The following SFMBT2 variants were observed in gnomAD, a reference collection of about 807,000 sequenced individuals.
SFMBT2 encodes the protein Scm like with four mbt domains 2.
SFMBT2 carries 38 observed loss-of-function variants against 110.1 expected under a neutral mutation model. The observed-to-expected ratio is 0.35, with a 90% CI of 0.27 to 0.45. SFMBT2 has a LOEUF of 0.45. Ranked by LOEUF, SFMBT2 falls within the 20% of genes least tolerant of loss-of-function variation. The pLI, the probability that SFMBT2 is intolerant of heterozygous loss-of-function variation, is 1.00. For synonymous variants in SFMBT2, 425 were observed against 425.4 expected, an observed-to-expected ratio of 1.00 and a Z score of 0.01; for missense variants, 1,011 against 1,094.9, an observed-to-expected ratio of 0.92 and a Z score of 1.08.
intron 7 of SFMBT2, among the ~76,000 whole-genome samples, chr10:7,265,060 A>G (rs1304545501): frequency 1.3e-5 from 2 of 151,848 alleles, no homozygotes; most frequent in South Asian, 2.1e-4. Flanking sequence ...TTCGTGGAAC[A>G]TGATTTGTTT....
chr10:7,214,754 T>C (rs1249015519), intron 11 of SFMBT2: 106 of 985,362 alleles, frequency 1.1e-4, no homozygotes, highest in Non-Finnish European at 1.2e-4. Context: ...ATTCCTAGCT[T>C]GATACCTGTA....
chr10:7,271,925 C>G (rs1311781021), intron 7 of SFMBT2, among the ~76,000 whole-genome samples: 1 of 152,192 alleles, frequency 6.6e-6, no homozygotes, highest in Admixed American at 6.5e-5. Context: ...TTATTTCCCA[C>G]CGGGTCCCTC....
chr10:7,327,930 C>T (rs955974213), intron 4 of SFMBT2, among the ~76,000 whole-genome samples: 1 of 152,222 alleles, frequency 6.6e-6, no homozygotes, highest in African/African-American at 2.4e-5. Context: ...CTATAAACAT[C>T]TTACCCAGGT....
chr10:7,172,936 C>G lies in SFMBT2; in HGVS notation c.1985-275G>C, dbSNP rs1302195351. On this transcript the variant is annotated intron_variant, in intron 17 of 20. Transcript: ENST00000397167. This position sits in a 1 kb window ranked among gnomAD's most constrained non-coding sequence, Gnocchi z 4.6. ...GTCCCGAACCCCCAAAGTGAGTGTA[C>G]AAGGGTGGGGCCCTAATCCAATAGG... Among the ~76,000 whole-genome samples the G allele has an allele frequency of 6.6e-6, 1 of 152,048 alleles. No homozygotes were observed. Among genetic ancestry groups the G allele is most frequent in the South Asian group, 2.1e-4 (1 of 4,830 alleles).
At chr10:7,362,262 C>T (rs985195831) in intron 4 of SFMBT2, among the ~76,000 whole-genome samples, 15 of 152,126 alleles carry the variant, frequency 9.9e-5, no homozygotes, top group African/African-American at 2.2e-4. Context: ...TCTCTAAATG[C>T]GTCTTTATTA....
At chr10:7,399,673 C>G (rs1030482116) in intron 1 of SFMBT2, among the ~76,000 whole-genome samples, 1 of 152,208 alleles carries the variant, frequency 6.6e-6, no homozygotes, top group Non-Finnish European at 1.5e-5. Context: ...GTGCAGGACT[C>G]GGCAGGAGGC....
chr10:7,256,769 G>A (rs141203033), intron 7 of SFMBT2, among the ~76,000 whole-genome samples: 11 of 152,220 alleles, frequency 7.2e-5, no homozygotes, highest in African/African-American at 2.6e-4. Context: ...CCTGGGACTG[G>A]TATTTTAAAC....
intron 16 of SFMBT2, among the ~76,000 whole-genome samples, chr10:7,185,003 G>A (rs1323694164): frequency 1.3e-5 from 2 of 152,080 alleles, no homozygotes; most frequent in Non-Finnish European, 2.9e-5. Flanking sequence ...CGGGAGAATG[G>A]GTCACTGGTT....
intron 6 of SFMBT2, among the ~76,000 whole-genome samples, chr10:7,279,514 C>T (rs912857729): frequency 5.3e-5 from 8 of 152,170 alleles, no homozygotes; most frequent in African/African-American, 1.2e-4. Context: ...ATGTGCATTC[C>T]GTGAGATGGA....
At chr10:7,344,330 T>C (rs534432773) in intron 4 of SFMBT2, among the ~76,000 whole-genome samples, 18 of 152,196 alleles carry the variant, frequency 1.2e-4, no homozygotes, top group South Asian at 4.1e-4. Context: ...GTGGAGACCA[T>C]TGAATCATGG....
Position 7,161,896 on chromosome 10 carries a change from C to G in SFMBT2, c.*1874G>C, listed in dbSNP as rs751267568. 8 of 152,106 alleles carry G rather than the reference C, an allele frequency of 5.3e-5. No individual in the cohort carries two copies. Among genetic ancestry groups the G allele is most frequent in the Non-Finnish European group, 1.0e-4 (7 of 68,020 alleles). 9.4% of individuals were successfully genotyped at this position (152,106 alleles called of 1,614,324 possible). On this transcript the variant is annotated 3_prime_UTR_variant, in exon 21 of 21. Transcript: ENST00000397167. ...CAGAATTTTACTGGAACTGTGGAGA[C>G]TCTAGTCCAAGGGACGAGCTCAAGG... is the stretch of plus-strand genomic sequence containing the variant.
At chr10:7,282,116 T>C (rs568206814) in intron 6 of SFMBT2, among the ~76,000 whole-genome samples, 38 of 152,316 alleles carry the variant, frequency 2.5e-4, no homozygotes, top group African/African-American at 7.5e-4. Context: ...TTCCAGAATC[T>C]TCAGGGGCCC....
intron 4 of SFMBT2, among the ~76,000 whole-genome samples, chr10:7,352,872 G>A (rs146236201): frequency 6.6e-6 from 1 of 152,256 alleles, no homozygotes; most frequent in African/African-American, 2.4e-5. Context: ...TTAGCCAGGC[G>A]TGATGGTGGG....
intron 4 of SFMBT2, chr10:7,295,333 T>C (rs150016062): frequency 6.6e-6 from 1 of 152,228 alleles, no homozygotes; most frequent in Non-Finnish European, 1.5e-5. Context: ...GGACCACCCA[T>C]GCCCACTGTG....
intron 12 of SFMBT2, chr10:7,203,167 A>T: frequency 1.1e-6 from 1 of 939,062 alleles, no homozygotes; most frequent in Non-Finnish European, 1.3e-6. Flanking sequence ...ACATAAGCAT[A>T]AATTAATTCC....
chr10:7,178,035 C>G (rs978750672), intron 16 of SFMBT2, among the ~76,000 whole-genome samples: 2 of 152,194 alleles, frequency 1.3e-5, no homozygotes, highest in Non-Finnish European at 2.9e-5. Context: ...CTCCAGAGCA[C>G]TGAGAGAATA....
chr10:7,350,055 C>G (rs995219598), intron 4 of SFMBT2, among the ~76,000 whole-genome samples: 3 of 152,114 alleles, frequency 2.0e-5, no homozygotes, highest in African/African-American at 4.8e-5. Context: ...TTCAGGGCCC[C>G]GGGAGGCACT....
intron 1 of SFMBT2, among the ~76,000 whole-genome samples, chr10:7,382,882 C>A (rs1845465847): frequency 6.6e-6 from 1 of 152,208 alleles, no homozygotes; most frequent in Non-Finnish European, 1.5e-5. Context: ...GAGCTGGTTC[C>A]CACAGAATCC....
chr10:7,393,201 T>C (rs1845829731), intron 1 of SFMBT2, among the ~76,000 whole-genome samples: 1 of 151,624 alleles, frequency 6.6e-6, no homozygotes, highest in Non-Finnish European at 1.5e-5. Context: ...TGGCTAATGT[T>C]TGTATTTTTC....
Sources: gnomAD v4.1 joint callset for allele counts (sites outside exome capture counted in the v4.1 genomes callset) on GRCh38, gnomAD v4.1.1 for gene constraint, Gnocchi (gnomAD v3.1) non-coding constraint, MANE v1.5 for transcripts, NCBI Gene and HGNC (gene_info 2026-07-23, HGNC 2026-07-21) for gene names.